SGSM1: variants seen among roughly 807,000 people sequenced by gnomAD.
SGSM1 encodes the protein small G protein signaling modulator 1, also known as RUN and TBC1 domain containing 2.
Under a neutral mutation model 133.8 loss-of-function variants are expected in SGSM1, and 73 were observed. The ratio of observed to expected loss-of-function variants is 0.55; its 90% CI spans 0.45 to 0.66. The LOEUF is 0.66. Among genes scored for constraint, SGSM1 ranks in the 30% least tolerant of loss-of-function variants. SGSM1 has a pLI of 0.00. For missense variants in SGSM1, 1,213 were observed against 1,448.1 expected, an observed-to-expected ratio of 0.84 and a Z score of 2.64; for synonymous variants, 563 against 573.0, an observed-to-expected ratio of 0.98 and a Z score of 0.25.
At chr22:24,870,589 A>G (rs1206335614) in intron 12 of SGSM1, among the ~76,000 whole-genome samples, 2 of 152,212 alleles carry the variant, frequency 1.3e-5, no homozygotes, top group African/African-American at 4.8e-5. Flanking sequence ...GCTCACCCAC[A>G]TCCTCAGCAT....
intron 15 of SGSM1, among the ~76,000 whole-genome samples, chr22:24,884,572 C>A (rs1267877949): frequency 6.6e-6 from 1 of 152,208 alleles, no homozygotes; most frequent in African/African-American, 2.4e-5. Flanking sequence ...GCCTGTCAAA[C>A]ACGGTGAAAC....
chr22:24,808,297 A>G (rs564074140), intron 2 of SGSM1, among the ~76,000 whole-genome samples: 39 of 151,934 alleles, frequency 2.6e-4, no homozygotes, highest in African/African-American at 8.4e-4. Context: ...TTTTATTTTT[A>G]GTAGAGACGG....
At chr22:24,862,088 G>A (rs1289810197) in intron 9 of SGSM1, among the ~76,000 whole-genome samples, 1 of 151,668 alleles carries the variant, frequency 6.6e-6, no homozygotes, top group African/African-American at 2.4e-5. Flanking sequence ...CTGAGTAGCT[G>A]GGATTACAGG....
At chr22:24,847,150 A>G (rs1352424432) in intron 3 of SGSM1, among the ~76,000 whole-genome samples, 1 of 152,182 alleles carries the variant, frequency 6.6e-6, no homozygotes, top group Non-Finnish European at 1.5e-5. Context: ...GACGTGAGCC[A>G]CTGCGCCTGG....
At chr22:24,815,426 A>G (rs1361569420) in intron 2 of SGSM1, among the ~76,000 whole-genome samples, 3 of 152,184 alleles carry the variant, frequency 2.0e-5, no homozygotes, top group Non-Finnish European at 2.9e-5. Flanking sequence ...GCAGGAAGAA[A>G]ATTTAAGTGC....
chr22:24,867,906 G>A (rs772558835), intron 10 of SGSM1, among the ~76,000 whole-genome samples: 15 of 152,276 alleles, frequency 9.9e-5, no homozygotes, highest in African/African-American at 3.6e-4. Flanking sequence ...ATAATAGATA[G>A]GACTCTTAGG....
At chr22:24,916,165 C>T (rs1933815785) in intron 22 of SGSM1, among the ~76,000 whole-genome samples, 1 of 152,070 alleles carries the variant, frequency 6.6e-6, no homozygotes, top group Non-Finnish European at 1.5e-5. Flanking sequence ...AATTTCAGAA[C>T]ATTTTCATTA....
intron 2 of SGSM1, among the ~76,000 whole-genome samples, chr22:24,834,607 T>G (rs1569139171): frequency 6.6e-6 from 1 of 152,156 alleles, no homozygotes; most frequent in Non-Finnish European, 1.5e-5. Context: ...GCTCTGGAGA[T>G]AGGAATCAAA....
At position 24,924,328 on chromosome 22, in the gene SGSM1, C is replaced by T. The variant is rs1195329024; in HGVS notation, c.*54C>T. Reference sequence around the variant, plus strand: ...AAGCTGCCCCTGCCCCGCTCCTCTGCTTACTTTTCCTCCTGGCTGGATGGG... The same window carrying T: ...AAGCTGCCCCTGCCCCGCTCCTCTGTTTACTTTTCCTCCTGGCTGGATGGG... On this transcript the variant is annotated 3_prime_UTR_variant, in exon 25 of 25. Coordinates refer to ENST00000400358, the MANE Select transcript of SGSM1 (RefSeq NM_001098497.3). 2 of 1,521,864 alleles carry T rather than the reference C, an allele frequency of 1.3e-6. No homozygotes were observed. The highest frequency in any genetic ancestry group is 2.3e-5 in the East Asian group (1 of 44,216). The allele number at this position is 1,521,864 out of a possible 1,614,324, so 94.3% of individuals were successfully genotyped here. A position where few individuals can be genotyped will look rare whatever the true frequency, so the allele number is the denominator to read the frequency against.
intron 22 of SGSM1, among the ~76,000 whole-genome samples, chr22:24,916,500 C>T (rs575961132): frequency 3.9e-5 from 6 of 152,216 alleles, no homozygotes; most frequent in African/African-American, 1.4e-4. Flanking sequence ...CAAGACCAGC[C>T]TGGCCAACAT....
At chr22:24,833,682 A>G (rs1210493272) in intron 2 of SGSM1, among the ~76,000 whole-genome samples, 1 of 151,900 alleles carries the variant, frequency 6.6e-6, no homozygotes, top group East Asian at 1.9e-4. Context: ...ATTTCCACAT[A>G]TGAAATGGAG....
At chr22:24,818,686 T>G (rs1928271589) in intron 2 of SGSM1, among the ~76,000 whole-genome samples, 1 of 151,838 alleles carries the variant, frequency 6.6e-6, no homozygotes, top group African/African-American at 2.4e-5. Flanking sequence ...GACGTTAAAA[T>G]ATGAATTTTA....
At chr22:24,888,778 C>CA (rs1306711571) in intron 16 of SGSM1, among the ~76,000 whole-genome samples, 4 of 151,168 alleles carry the variant, frequency 2.6e-5, no homozygotes, top group Non-Finnish European at 5.9e-5. Context: ...GACTCCATCT[C>CA]AAAAAAACAA....
At position 24,925,820 on chromosome 22, in the gene SGSM1, G is replaced by A. The variant is rs5760739; in HGVS notation, c.*1546G>A. On this transcript the variant is annotated 3_prime_UTR_variant, in exon 25 of 25. Coordinates refer to ENST00000400358, the MANE Select transcript of SGSM1 (RefSeq NM_001098497.3). ...CTGCTGATGAACTGGGTCCAGGGCC[G>A]TGCTAGGTCTGGGAACAATCCTCTC... 0.21 allele frequency: 31,879 copies of A among 152,190 alleles called. 4,108 individuals carry two copies. The highest frequency in any genetic ancestry group is 0.56 in the East Asian group (2,890 of 5,166). 9.4% of individuals were successfully genotyped at this position (152,190 alleles called of 1,614,324 possible).
chr22:24,835,890 A>T (rs1341380203), intron 2 of SGSM1, among the ~76,000 whole-genome samples: 1 of 152,182 alleles, frequency 6.6e-6, no homozygotes, highest in East Asian at 1.9e-4. Context: ...GTTTGATAGA[A>T]CTTTTCTTTA....
At chr22:24,851,501 CT>C (rs915221058) in intron 5 of SGSM1, among the ~76,000 whole-genome samples, 1 of 151,316 alleles carries the variant, frequency 6.6e-6, no homozygotes, top group Non-Finnish European at 1.5e-5. Context: ...CTCAGAATCT[CT>C]CCATCTTTCA....
At chr22:24,842,862 G>T (rs1251090677) in intron 2 of SGSM1, among the ~76,000 whole-genome samples, 1 of 152,196 alleles carries the variant, frequency 6.6e-6, no homozygotes, top group African/African-American at 2.4e-5. Context: ...CTCAGCACAT[G>T]ATGATCATTA....
chr22:24,816,483 T>TG (rs1928090308), intron 2 of SGSM1, among the ~76,000 whole-genome samples: 1 of 136,238 alleles, frequency 7.3e-6, no homozygotes, highest in Non-Finnish European at 1.6e-5. Flanking sequence ...TGGCACGATC[T>TG]CAGCTCACTG....
chr22:24,898,254 G>T lies in SGSM1; in HGVS notation c.2305G>T (p.Asp769Tyr). 1 of 1,613,804 alleles carries T rather than the reference G, an allele frequency of 6.2e-7. No individual in the cohort carries two copies. Among genetic ancestry groups the T allele is most frequent in the Non-Finnish European group, 8.5e-7 (1 of 1,179,758 alleles). Residue 769 changes from aspartate to tyrosine, a missense_variant, in exon 19 of 25, where the codon GAT (aspartate) becomes TAT (tyrosine). Physicochemically the swap from Asp to Tyr is radical, Grantham distance 160. Coordinates refer to ENST00000400358, the MANE Select transcript of SGSM1 (RefSeq NM_001098497.3). Reference protein sequence around the residue: ...RQSSEATTSQDEAPREELAVQ... With the variant: ...RQSSEATTSQYEAPREELAVQ... ...GAGCAGCGAGGCCACCACATCTCAG[G>T]ATGAGGCTCCCCGGGAGGAGCTGGC...
Sources: allele counts gnomAD v4.1 joint callset (sites outside exome capture counted in the v4.1 genomes callset), GRCh38; gene constraint gnomAD v4.1.1; transcripts MANE v1.5; gene names NCBI Gene and HGNC (gene_info 2026-07-23, HGNC 2026-07-21).